The following ARHGAP15 variants were observed in gnomAD, a reference collection of about 807,000 sequenced individuals.
ARHGAP15 encodes the protein Rho GTPase activating protein 15.
A neutral mutation model predicts 63.7 loss-of-function variants in ARHGAP15; 51 were observed. The observed-to-expected ratio is 0.80, with a 90% CI of 0.64 to 1.01. The LOEUF (loss-of-function observed/expected upper bound fraction) is 1.01. ARHGAP15 is among the 50% of genes least tolerant of loss of function. ARHGAP15 has a pLI of 0.00. For missense variants in ARHGAP15, 560 were observed against 564.6 expected, an observed-to-expected ratio of 0.99 and a Z score of 0.08; for synonymous variants, 191 against 193.8, an observed-to-expected ratio of 0.99 and a Z score of 0.12.
chr2:143,305,001 A>C (rs1220622790), intron 6 of ARHGAP15, among the ~76,000 whole-genome samples: 2 of 152,258 alleles, frequency 1.3e-5, no homozygotes, highest in East Asian at 3.9e-4. Flanking sequence ...ATTATAAATC[A>C]TTCTACTATA....
At chr2:143,461,281 CAAAAAAAAAAA>C (rs70982868) in intron 8 of ARHGAP15, among the ~76,000 whole-genome samples, 4 of 55,052 alleles carry the variant, frequency 7.3e-5, no homozygotes, top group African/African-American at 2.3e-4. Flanking sequence ...CTCTGTCTCT[CAAAAAAAAAAA>C]AAAAAAAAAA....
intron 13 of ARHGAP15, among the ~76,000 whole-genome samples, chr2:143,762,632 A>C (rs965514323): frequency 3.3e-5 from 5 of 152,166 alleles, no homozygotes; most frequent in Non-Finnish European, 7.3e-5. Context: ...CTTCAGTGTT[A>C]CTCAAAAAAG....
At chr2:143,187,544 T>G (rs904008262) in intron 2 of ARHGAP15, among the ~76,000 whole-genome samples, 6 of 152,190 alleles carry the variant, frequency 3.9e-5, no homozygotes, top group African/African-American at 1.4e-4. Flanking sequence ...ACTCCACAAC[T>G]CTAGGAAATA....
intron 1 of ARHGAP15, among the ~76,000 whole-genome samples, chr2:143,153,821 CTT>C (rs1558779258): frequency 0.017 from 1,455 of 86,646 alleles, 33 homozygotes; most frequent in Non-Finnish European, 0.022. Context: ...TCTTCTTCTT[CTT>C]CTTCTTCTTC....
chr2:143,543,271 T>A (rs899749661), intron 10 of ARHGAP15, among the ~76,000 whole-genome samples: 1 of 152,208 alleles, frequency 6.6e-6, no homozygotes, highest in Non-Finnish European at 1.5e-5. Context: ...ATTATTGTTT[T>A]AATTTGCATG....
intron 2 of ARHGAP15, among the ~76,000 whole-genome samples, chr2:143,199,570 AG>A (rs1357986885): frequency 2.0e-5 from 3 of 152,026 alleles, no homozygotes. Flanking sequence ...TTTCCCAGCC[AG>A]GGTGTAAGGA....
rs145755202 is a variant in ARHGAP15, at chr2:143,345,500, AAC to A, written c.475-90095_475-90094del. Among the ~76,000 whole-genome samples the A allele has an allele frequency of 6.6e-5, 10 of 152,268 alleles. No individual in the cohort carries two copies. The East Asian group carries it at 9.7e-4, about 15-fold the overall frequency. On this transcript the variant is annotated intron_variant, in intron 6 of 13. Coordinates refer to ENST00000295095, the MANE Select transcript of ARHGAP15 (RefSeq NM_018460.4). ...CCAACCCCTAAAATATAATTTTAATAACACACATTAAAATGTCATGCTGATAA... is the reference window on the plus strand; with the variant it reads ...CCAACCCCTAAAATATAATTTTAATAACACATTAAAATGTCATGCTGATAA...
chr2:143,614,491 A>T (rs542622423), intron 11 of ARHGAP15, among the ~76,000 whole-genome samples: 3 of 152,152 alleles, frequency 2.0e-5, no homozygotes, highest in Non-Finnish European at 4.4e-5. Flanking sequence ...AGAGAATGAT[A>T]AACAAAGAGA....
chr2:143,356,060 AAGAG>A lies in ARHGAP15; in HGVS notation c.475-79529_475-79526del, dbSNP rs199746890. Among the ~76,000 whole-genome samples the A allele has an allele frequency of 7.1e-3, 1,072 of 151,862 alleles. 12 individuals are homozygous for A. Among genetic ancestry groups the A allele is most frequent in the African/African-American group, 0.022 (914 of 41,348 alleles). Reference sequence around the variant, plus strand: ...TGCATCTTCATCTTATTAAAAAAAAAAGAGAGAGAGAGAGAAAGAAAGAAAGCAT... The same window carrying A: ...TGCATCTTCATCTTATTAAAAAAAAAAGAGAGAGAGAAAGAAAGAAAGCAT... On this transcript the variant is annotated intron_variant, in intron 6 of 13. Transcript: ENST00000295095.
At chr2:143,426,101 T>A (rs953154541) in intron 6 of ARHGAP15, among the ~76,000 whole-genome samples, 5 of 152,140 alleles carry the variant, frequency 3.3e-5, no homozygotes, top group African/African-American at 1.2e-4. Flanking sequence ...GAATAGTTCA[T>A]ATGTGTGTGT....
At chr2:143,701,590 G>A (rs1252043870) in intron 12 of ARHGAP15, among the ~76,000 whole-genome samples, 1 of 152,108 alleles carries the variant, frequency 6.6e-6, no homozygotes, top group Non-Finnish European at 1.5e-5. Flanking sequence ...AGTGAGCTGG[G>A]CATGGTGGCA....
chr2:143,535,882 ATGT>A (rs1343708577), intron 10 of ARHGAP15, among the ~76,000 whole-genome samples: 5 of 152,218 alleles, frequency 3.3e-5, no homozygotes, highest in African/African-American at 1.2e-4. Context: ...TATTTCATAA[ATGT>A]TGTATCAATG....
At chr2:143,394,746 G>A (rs1302954497) in intron 6 of ARHGAP15, among the ~76,000 whole-genome samples, 1 of 152,158 alleles carries the variant, frequency 6.6e-6, no homozygotes, top group East Asian at 1.9e-4. Context: ...AATGTCAGTT[G>A]TATTTCACAT....
chr2:143,649,154 A>G (rs967204983), intron 12 of ARHGAP15, among the ~76,000 whole-genome samples: 8 of 151,886 alleles, frequency 5.3e-5, no homozygotes, highest in Non-Finnish European at 1.0e-4. Flanking sequence ...CAACAAGCTT[A>G]ATTTTCTTCT....
At chr2:143,758,830 C>G (rs1207783649) in intron 13 of ARHGAP15, among the ~76,000 whole-genome samples, 3 of 152,262 alleles carry the variant, frequency 2.0e-5, no homozygotes, top group Admixed American at 2.0e-4. Context: ...GGGAACTTGA[C>G]AGGAATGCTG....
At chr2:143,369,767 T>C (rs957885505) in intron 6 of ARHGAP15, among the ~76,000 whole-genome samples, 8 of 152,208 alleles carry the variant, frequency 5.3e-5, no homozygotes, top group African/African-American at 1.9e-4. Flanking sequence ...GAATATTTTA[T>C]GTAATACAAC....
chr2:143,575,691 A>G (rs1037872793), intron 11 of ARHGAP15, among the ~76,000 whole-genome samples: 4 of 152,044 alleles, frequency 2.6e-5, no homozygotes, highest in African/African-American at 9.7e-5. Context: ...TTTTGTGCAA[A>G]CTCATTTGGG....
chr2:143,728,896 AATC>A (rs1451207714), intron 13 of ARHGAP15, among the ~76,000 whole-genome samples: 5 of 152,208 alleles, frequency 3.3e-5, no homozygotes, highest in African/African-American at 1.2e-4. Flanking sequence ...ATGCTTGAAA[AATC>A]ATTATTATTT....
At chr2:143,531,081 C>G (rs1473813256) in intron 10 of ARHGAP15, among the ~76,000 whole-genome samples, 1 of 151,194 alleles carries the variant, frequency 6.6e-6, no homozygotes, top group Admixed American at 6.6e-5. Flanking sequence ...AGAGACTACA[C>G]TTTGGCATAT....
Sources: allele counts gnomAD v4.1 joint callset (sites outside exome capture counted in the v4.1 genomes callset), GRCh38; gene constraint gnomAD v4.1.1; transcripts MANE v1.5; gene names NCBI Gene and HGNC (gene_info 2026-07-23, HGNC 2026-07-21).